The following PVT1 variants were observed in gnomAD, a reference collection of about 807,000 sequenced individuals.
The protein encoded by PVT1 is Pvt1 oncogene.
At position 127,967,315 on chromosome 8, in the gene PVT1, G is replaced by A. The variant is rs573872976; in HGVS notation, n.783-21847G>A. Among the ~76,000 whole-genome samples the A allele has an allele frequency of 7.9e-5, 12 of 152,058 alleles. 1 individual carries two copies. The East Asian group carries it at 2.3e-3, about 29-fold the overall frequency. On this transcript the variant is annotated intron_variant and non_coding_transcript_variant, in intron 3 of 10. Coordinates refer to ENST00000651587, the Ensembl canonical transcript of PVT1. Reference sequence around the variant, plus strand: ...GGAGAAGGAGAGGTTAACTTCTGGGGGGCTTAGAGAAGAGGGGGGAAGGAG... The same window carrying A: ...GGAGAAGGAGAGGTTAACTTCTGGGAGGCTTAGAGAAGAGGGGGGAAGGAG...
At chr8:127,942,028 G>A (rs1402182693) in intron 3 of PVT1, among the ~76,000 whole-genome samples, 3 of 152,166 alleles carry the variant, frequency 2.0e-5, no homozygotes, top group African/African-American at 7.2e-5. Flanking sequence ...CTTCCCAAGG[G>A]CACCCTGAGT....
chr8:127,988,960 A>G (rs1386428182), intron 3 of PVT1, among the ~76,000 whole-genome samples: 1 of 152,242 alleles, frequency 6.6e-6, no homozygotes, highest in Admixed American at 6.5e-5. Flanking sequence ...TCATAGGATT[A>G]AACAGTTTAA....
At chr8:127,933,200 G>A (rs1563643279) in intron 3 of PVT1, among the ~76,000 whole-genome samples, 1 of 152,034 alleles carries the variant, frequency 6.6e-6, no homozygotes, top group Non-Finnish European at 1.5e-5. Flanking sequence ...CTCAGCCACT[G>A]GAGTAGCTGG....
chr8:127,898,732 G>A lies in PVT1; in HGVS notation n.782+7734G>A, dbSNP rs550403529. Among the ~76,000 whole-genome samples, 8 of 152,286 alleles carry A rather than the reference G, an allele frequency of 5.3e-5. No homozygotes were observed. The South Asian group carries it at 8.3e-4, about 16-fold the overall frequency. ...CCTGTGGTGGGGGTGAGGCGGTGGC[G>A]TGGGGGCTTCTTCCCTCTCTCTCTG... is the stretch of plus-strand genomic sequence containing the variant. On this transcript the variant is annotated intron_variant and non_coding_transcript_variant, in intron 3 of 10. Coordinates refer to ENST00000651587, the Ensembl canonical transcript of PVT1. This position sits in a 1 kb window ranked among gnomAD's most constrained non-coding sequence, Gnocchi z 4.4.
chr8:128,069,309 T>C (rs944172748), intron 4 of PVT1, among the ~76,000 whole-genome samples: 1 of 152,220 alleles, frequency 6.6e-6, no homozygotes, highest in Non-Finnish European at 1.5e-5. Context: ...GCTTGTCTTA[T>C]TCAGTTAAAC....
chr8:128,064,038 A>C (rs2608052), intron 4 of PVT1, among the ~76,000 whole-genome samples: 89,203 of 152,042 alleles, frequency 0.59, 26,555 homozygotes, highest in East Asian at 0.87. Context: ...GTTAAGACTG[A>C]TCACTGACGG....
At chr8:128,094,477 CT>C (rs1814401095) in intron 5 of PVT1, among the ~76,000 whole-genome samples, 1 of 152,184 alleles carries the variant, frequency 6.6e-6, no homozygotes, top group Non-Finnish European at 1.5e-5. Context: ...GTGTGCAGAG[CT>C]TTCACTCAAT....
chr8:127,835,404 T>TA (rs773213688), intron 2 of PVT1, among the ~76,000 whole-genome samples: 3 of 149,700 alleles, frequency 2.0e-5, no homozygotes, highest in Non-Finnish European at 4.4e-5. Flanking sequence ...AATGAGAACA[T>TA]ATGGACACAG....
intron 3 of PVT1, among the ~76,000 whole-genome samples, chr8:127,905,447 G>A (rs1316066397): frequency 1.3e-5 from 2 of 152,152 alleles, no homozygotes; most frequent in Non-Finnish European, 2.9e-5. Flanking sequence ...TATTTCTTGT[G>A]GTCTTAGCAT....
chr8:127,834,617 A>C (rs1228716270), intron 2 of PVT1, among the ~76,000 whole-genome samples: 1 of 152,212 alleles, frequency 6.6e-6, no homozygotes, highest in Non-Finnish European at 1.5e-5. Context: ...AGAAACTACT[A>C]TCAGAGTCAA....
intron 2 of PVT1, among the ~76,000 whole-genome samples, chr8:127,817,138 C>T (rs960200662): frequency 6.6e-6 from 1 of 151,596 alleles, no homozygotes; most frequent in African/African-American, 2.4e-5. Flanking sequence ...ATTGTAGACT[C>T]TCAAATTTGG....
At chr8:127,818,302 G>A (rs1814690043) in intron 2 of PVT1, among the ~76,000 whole-genome samples, 1 of 152,158 alleles carries the variant, frequency 6.6e-6, no homozygotes, top group Non-Finnish European at 1.5e-5. Context: ...TATCGCAACT[G>A]AATAGAAGGG....
At chr8:128,013,608 C>T (rs1344487837) in intron 4 of PVT1, among the ~76,000 whole-genome samples, 2 of 152,148 alleles carry the variant, frequency 1.3e-5, no homozygotes, top group Admixed American at 6.5e-5. Flanking sequence ...CAGATGATGA[C>T]AAGAGGAAGT....
At chr8:127,952,663 T>G (rs1195872860) in intron 3 of PVT1, among the ~76,000 whole-genome samples, 1 of 152,232 alleles carries the variant, frequency 6.6e-6, no homozygotes, top group African/African-American at 2.4e-5. Flanking sequence ...CAAAATGTAA[T>G]ATGTGCCCTC....
chr8:127,856,948 G>A (rs1034734939), intron 2 of PVT1, among the ~76,000 whole-genome samples: 1 of 152,150 alleles, frequency 6.6e-6, no homozygotes, highest in Non-Finnish European at 1.5e-5. Context: ...TCCGAGGGCT[G>A]GGCGAGGTGG....
At chr8:127,835,799 A>G (rs1031818040) in intron 2 of PVT1, among the ~76,000 whole-genome samples, 1 of 152,170 alleles carries the variant, frequency 6.6e-6, no homozygotes, top group Non-Finnish European at 1.5e-5. Flanking sequence ...ACACAATTGG[A>G]TGAGGTAAAT....
chr8:127,896,782 C>A (rs55849445), intron 3 of PVT1, among the ~76,000 whole-genome samples: 2,338 of 149,556 alleles, frequency 0.016, 45 homozygotes, highest in African/African-American at 0.052. Context: ...CCTCCCCCCC[C>A]CCGCCCCCGA....
chr8:127,834,848 A>G (rs958109152), intron 2 of PVT1, among the ~76,000 whole-genome samples: 56 of 152,032 alleles, frequency 3.7e-4, no homozygotes, highest in African/African-American at 1.3e-3. Context: ...ACAAAAAACA[A>G]CTCATCATTA....
At chr8:127,832,589 T>C (rs545506050) in intron 2 of PVT1, among the ~76,000 whole-genome samples, 21 of 152,376 alleles carry the variant, frequency 1.4e-4, no homozygotes, top group Middle Eastern at 3.4e-3. Context: ...CCGGGTGTGG[T>C]GGCTCACGCC....
Sources: allele counts gnomAD v4.1 joint callset (sites outside exome capture counted in the v4.1 genomes callset), GRCh38; gene constraint gnomAD v4.1.1; non-coding constraint Gnocchi (gnomAD v3.1); transcripts MANE v1.5; gene names NCBI Gene and HGNC (gene_info 2026-07-23, HGNC 2026-07-21).